Variants in CCBE1 observed in about 807,000 individuals in gnomAD.
The protein encoded by CCBE1 is collagen and calcium binding EGF domains 1, also known as collagen and calcium-binding EGF domain-containing protein 1.
In CCBE1, 37 loss-of-function variants were observed where a neutral mutation model predicts 50.0. That is an observed-to-expected ratio of 0.74 (90% CI 0.57 to 0.97). CCBE1 has a LOEUF of 0.97. CCBE1 is among the 50% of genes least tolerant of loss of function. The probability of loss-of-function intolerance (pLI) is 0.00; values close to 1 mark genes in which losing one functional copy is unlikely to be tolerated. For synonymous variants in CCBE1, 234 were observed against 203.7 expected (o/e 1.15, Z -1.27); for missense variants, 538 against 523.8 (o/e 1.03, Z -0.26).
intron 2 of CCBE1, among the ~76,000 whole-genome samples, chr18:59,487,610 C>A (rs1912884579): frequency 2.0e-5 from 3 of 152,082 alleles, no homozygotes; most frequent in Admixed American, 2.0e-4. Context: ...AAACTAAAAA[C>A]AAAATCCCCT....
chr18:59,642,066 A>G (rs2053998071), intron 2 of CCBE1, among the ~76,000 whole-genome samples: 1 of 152,222 alleles, frequency 6.6e-6, no homozygotes, highest in African/African-American at 2.4e-5. Context: ...ATTAAAATTC[A>G]AATTTTTTTC....
intron 4 of CCBE1, 71 bp from the exon 5 acceptor site, chr18:59,466,962 G>A: frequency 7.4e-7 from 1 of 1,358,816 alleles, no homozygotes; most frequent in Non-Finnish European, 1.0e-6. Flanking sequence ...ATGACATTGG[G>A]CTTTGCCTCT....
intron 2 of CCBE1, among the ~76,000 whole-genome samples, chr18:59,616,401 A>C (rs889878566): frequency 3.9e-5 from 6 of 152,358 alleles, no homozygotes; most frequent in African/African-American, 1.2e-4. Context: ...GTTAAATGGC[A>C]TTGTCTAACA....
chr18:59,595,621 C>T (rs1031922594), intron 2 of CCBE1, among the ~76,000 whole-genome samples: 2 of 152,174 alleles, frequency 1.3e-5, no homozygotes, highest in African/African-American at 2.4e-5. Context: ...GCCTTAAATT[C>T]CTACAATGAA....
intron 2 of CCBE1, among the ~76,000 whole-genome samples, chr18:59,570,137 T>C (rs2052888759): frequency 6.6e-6 from 1 of 152,346 alleles, no homozygotes; most frequent in Middle Eastern, 3.4e-3. Flanking sequence ...GGGTAAAGAA[T>C]ATTCATTTCC....
intron 2 of CCBE1, among the ~76,000 whole-genome samples, chr18:59,549,458 C>G (rs1944984): frequency 0.66 from 99,917 of 152,010 alleles, 33,065 homozygotes; most frequent in East Asian, 0.79. Context: ...TTAAGAGCGT[C>G]TAATATTTTA....
chr18:59,579,210 C>G (rs1178083912), intron 2 of CCBE1, among the ~76,000 whole-genome samples: 1 of 152,068 alleles, frequency 6.6e-6, no homozygotes, highest in South Asian at 2.1e-4. Context: ...TTGATAAATG[C>G]ACCTGTTTGC....
chr18:59,469,333 G>T, intron 4 of CCBE1, 140 bp downstream of exon 4: 1 of 1,144,564 alleles, frequency 8.7e-7, no homozygotes, highest in Non-Finnish European at 1.3e-6. Context: ...GTGATGAAGG[G>T]CAGTGATAAG....
At chr18:59,640,163 G>A (rs1424752365) in intron 2 of CCBE1, among the ~76,000 whole-genome samples, 2 of 152,144 alleles carry the variant, frequency 1.3e-5, no homozygotes, top group South Asian at 4.1e-4. Context: ...AGCCAAGAAC[G>A]AGTCTGAATA....
intron 9 of CCBE1, among the ~76,000 whole-genome samples, chr18:59,438,904 C>A (rs780725223): frequency 2.0e-5 from 3 of 152,128 alleles, no homozygotes; most frequent in Non-Finnish European, 4.4e-5. Context: ...AATACCAGCA[C>A]TTTGGGAGGC....
intron 2 of CCBE1, among the ~76,000 whole-genome samples, chr18:59,493,289 C>T (rs897415973): frequency 2.6e-5 from 4 of 152,146 alleles, no homozygotes; most frequent in African/African-American, 9.7e-5. Flanking sequence ...ATACAATGGA[C>T]ATTAATTCAG....
intron 3 of CCBE1, among the ~76,000 whole-genome samples, chr18:59,472,008 A>G (rs1411330538): frequency 6.6e-6 from 1 of 152,244 alleles, no homozygotes; most frequent in African/African-American, 2.4e-5. Flanking sequence ...ACCAAAAAGA[A>G]AACAGTAGCA....
At chr18:59,602,885 T>A (rs1461007572) in intron 2 of CCBE1, among the ~76,000 whole-genome samples, 1 of 152,202 alleles carries the variant, frequency 6.6e-6, no homozygotes, top group Non-Finnish European at 1.5e-5. Flanking sequence ...CAGACAGACT[T>A]GGGATCAGAC....
At chr18:59,620,324 T>C (rs1400072822) in intron 2 of CCBE1, among the ~76,000 whole-genome samples, 1 of 152,048 alleles carries the variant, frequency 6.6e-6, no homozygotes, top group Non-Finnish European at 1.5e-5. Context: ...AGCATTTACC[T>C]GGTTGGAGGA....
chr18:59,664,024 A>G (rs1017296068), intron 2 of CCBE1, among the ~76,000 whole-genome samples: 6 of 152,172 alleles, frequency 3.9e-5, no homozygotes, highest in African/African-American at 1.4e-4. Flanking sequence ...GGTAACTTAT[A>G]AGGAACAGAA....
At chr18:59,584,631 G>T (rs555210559) in intron 2 of CCBE1, among the ~76,000 whole-genome samples, 6 of 152,066 alleles carry the variant, frequency 3.9e-5, no homozygotes, top group Admixed American at 1.3e-4. Context: ...GAGTTCTTGC[G>T]AGATCTGGTT....
intron 2 of CCBE1, among the ~76,000 whole-genome samples, chr18:59,636,964 C>T (rs2053924103): frequency 6.6e-6 from 1 of 152,162 alleles, no homozygotes; most frequent in Non-Finnish European, 1.5e-5. Flanking sequence ...GGTGTGACTT[C>T]TAATATTCTA....
In CCBE1 at chr18:59,481,651, A is replaced by G. The variant is rs372860425; in HGVS notation, c.213-1413T>C. Among the ~76,000 whole-genome samples the G allele has an allele frequency of 1.6e-3, 247 of 152,336 alleles. 2 individuals are homozygous for G. Among genetic ancestry groups the G allele is most frequent in the African/African-American group, 5.5e-3 (229 of 41,576 alleles). ...TCATCAGAAAACCACAGTAACCAGA[A>G]GACAGTGATATGACATCCTTTGAGT... On this transcript the variant is annotated intron_variant, in intron 2 of 10. Coordinates refer to ENST00000439986, the MANE Select transcript of CCBE1 (RefSeq NM_133459.4).
chr18:59,596,228 G>A (rs909238710), intron 2 of CCBE1, among the ~76,000 whole-genome samples: 3 of 152,176 alleles, frequency 2.0e-5, no homozygotes, highest in Admixed American at 6.5e-5. Flanking sequence ...CAGCAAGGAG[G>A]ACACAGGGGA....
Sources: allele counts gnomAD v4.1 joint callset (sites outside exome capture counted in the v4.1 genomes callset), GRCh38; gene constraint gnomAD v4.1.1; transcripts MANE v1.5; gene names NCBI Gene and HGNC (gene_info 2026-07-23, HGNC 2026-07-21).